The following EML1 variants were observed in gnomAD, a reference collection of about 807,000 sequenced individuals.
EML1 encodes echinoderm microtubule-associated protein-like 1.
In EML1, 27 loss-of-function variants were observed where a neutral mutation model predicts 110.4. That is an observed-to-expected ratio of 0.24 (90% CI 0.18 to 0.34). The LOEUF is 0.34. Ranked by LOEUF, EML1 falls within the 10% of genes least tolerant of loss-of-function variation. EML1 has a pLI of 1.00. For synonymous variants in EML1, 344 were observed against 385.8 expected, an observed-to-expected ratio of 0.89 and a Z score of 1.27; for missense variants, 741 against 1,030.9, an observed-to-expected ratio of 0.72 and a Z score of 3.85.
intron 1 of EML1, among the ~76,000 whole-genome samples, chr14:99,818,606 A>G (rs11622725): frequency 1 from 152,287 of 152,290 alleles, 76,142 homozygotes; most frequent in Non-Finnish European, 1. Flanking sequence ...CGTGTGCATC[A>G]CTCTATCTTC....
chr14:99,832,293 T>C (rs1004931567), intron 1 of EML1, among the ~76,000 whole-genome samples: 2 of 152,206 alleles, frequency 1.3e-5, no homozygotes, highest in African/African-American at 4.8e-5. Context: ...TTTGGGCTGT[T>C]TCCCAAATGT....
intron 8 of EML1, among the ~76,000 whole-genome samples, chr14:99,898,807 T>G (rs2059713190): frequency 6.6e-6 from 1 of 152,100 alleles, no homozygotes; most frequent in African/African-American, 2.4e-5. Flanking sequence ...GAGCTCATCT[T>G]AATTTCATCA....
At chr14:99,882,717 A>G (rs1489597759) in intron 4 of EML1, among the ~76,000 whole-genome samples, 1 of 150,906 alleles carries the variant, frequency 6.6e-6, no homozygotes, top group Non-Finnish European at 1.5e-5. Flanking sequence ...AAGTTTACAA[A>G]TTTGTGTTGG....
At chr14:99,808,271 C>T (rs985429318) in intron 1 of EML1, among the ~76,000 whole-genome samples, 1 of 152,128 alleles carries the variant, frequency 6.6e-6, no homozygotes, top group Non-Finnish European at 1.5e-5. Flanking sequence ...CACAGTGCCT[C>T]GCAGGGAGTT....
At position 99,939,325 on chromosome 14, in the gene EML1, A is replaced by G. The variant is rs2060535273; in HGVS notation, c.2320A>G (p.Arg774Gly). The G allele has an allele frequency of 6.2e-7, 1 of 1,614,206 alleles. No homozygotes were observed. Among genetic ancestry groups the G allele is most frequent in the Non-Finnish European group, 8.5e-7 (1 of 1,180,024 alleles). Residue 774 changes from arginine (R) to glycine (G), a missense_variant and splice_region_variant, in exon 21 of 22, where the codon AGG becomes GGG. Around this residue, in one of 4 missense-constraint regions of EML1, gnomAD observed 114 missense variants for 122.5 expected, o/e 0.93. Transcript: ENST00000262233. The surrounding 1 kb of genome is among the most constrained non-coding windows in gnomAD (Gnocchi z 4.2). ...CTTCTCATACCCCTGCTCGCAGTTC[A>G]GGGTAAAGGACTTGTTTCTTCACTA... ...HLFSYPCSQF[R>G]APSHIYGGHS...
At chr14:99,772,075 T>A (rs916206848), upstream of EML1, among the ~76,000 whole-genome samples, 1 of 152,150 alleles carries the variant, frequency 6.6e-6, no homozygotes, top group African/African-American at 2.4e-5. Flanking sequence ...TCTTTGTGAG[T>A]GGAGTGATTT....
chr14:99,871,042 C>T (rs566958386), intron 3 of EML1, among the ~76,000 whole-genome samples: 62 of 152,200 alleles, frequency 4.1e-4, no homozygotes, highest in Middle Eastern at 3.4e-3. Flanking sequence ...CTGCAACCTC[C>T]GCCTCCCGGG....
intron 17 of EML1, among the ~76,000 whole-genome samples, chr14:99,925,650 G>A (rs2060220774): frequency 6.6e-6 from 1 of 152,218 alleles, no homozygotes; most frequent in Non-Finnish European, 1.5e-5. Context: ...GGCTCTGTGG[G>A]CAGGTTGAAG....
chr14:99,912,944 C>T (rs78986481), intron 13 of EML1, among the ~76,000 whole-genome samples: 3,188 of 152,274 alleles, frequency 0.021, 106 homozygotes, highest in African/African-American at 0.071. Flanking sequence ...TTTCCTGGAA[C>T]GGGAGAGCCT....
intron 4 of EML1, among the ~76,000 whole-genome samples, chr14:99,890,682 G>A (rs2059571154): frequency 6.6e-6 from 1 of 152,186 alleles, no homozygotes; most frequent in Non-Finnish European, 1.5e-5. Context: ...AGATGGCTGA[G>A]CTGGAGGGTA....
chr14:99,807,020 G>T (rs894465834), intron 1 of EML1, among the ~76,000 whole-genome samples: 11 of 150,854 alleles, frequency 7.3e-5, no homozygotes, highest in African/African-American at 1.2e-4. Context: ...CTGAGTTTTT[G>T]TTTTTTTTTA....
Position 99,860,975 on chromosome 14 carries a change from G to A in EML1, c.251-4539G>A, listed in dbSNP as rs556135152. ...CATTGCATCTGATTTTCTTTTCATG[G>A]GCTTTTAAAATCCTATTTTCTATTT... is the stretch of plus-strand genomic sequence containing the variant. On this transcript the variant is annotated intron_variant, in intron 2 of 21. Coordinates refer to ENST00000262233, the MANE Select transcript of EML1 (RefSeq NM_004434.3). Among the ~76,000 whole-genome samples the A allele has an allele frequency of 1.4e-4, 22 of 152,026 alleles. 1 individual carries two copies. The South Asian group carries it at 4.6e-3, about 32-fold the overall frequency.
intron 17 of EML1, among the ~76,000 whole-genome samples, chr14:99,928,305 CTGTTA>C (rs915395186): frequency 2.7e-5 from 4 of 149,062 alleles, no homozygotes; most frequent in African/African-American, 7.4e-5. Context: ...GTGTTCCTGT[CTGTTA>C]TATTAGGTGG....
chr14:99,778,360 C>G (rs1359495673), intron 1 of EML1, among the ~76,000 whole-genome samples: 1 of 152,026 alleles, frequency 6.6e-6, no homozygotes, highest in African/African-American at 2.4e-5. Flanking sequence ...AAATTACTGT[C>G]TTCTATTTTC....
chr14:99,921,953 C>CA (rs767952352), intron 17 of EML1, among the ~76,000 whole-genome samples: 32 of 152,218 alleles, frequency 2.1e-4, no homozygotes, highest in African/African-American at 7.7e-4. Flanking sequence ...TTTCTGTTTC[C>CA]AAAAATTGCT....
chr14:99,868,910 G>A (rs879763220), intron 3 of EML1, among the ~76,000 whole-genome samples: 2 of 152,042 alleles, frequency 1.3e-5, no homozygotes. Flanking sequence ...GCTGATGTGA[G>A]ATCTGTCTTC....
Position 99,784,470 on chromosome 14 carries a change from A to C in EML1, c.-27+10457A>C, listed in dbSNP as rs575455783. ...CACTTCAGATACTTCAAAATATGTA[A>C]ATTCTTTTGATGGAGTCCAATCATT... On this transcript the variant is annotated intron_variant, in intron 1 of 22. Coordinates refer to the EML1 transcript ENST00000327921. This position sits in a 1 kb window ranked among gnomAD's most constrained non-coding sequence, Gnocchi z 4.5. Among the ~76,000 whole-genome samples the C allele has an allele frequency of 3.9e-5, 6 of 152,312 alleles. No individual in the cohort carries two copies. The highest frequency in any genetic ancestry group is 1.2e-4 in the African/African-American group (5 of 41,564).
In EML1 at chr14:99,885,985, G is replaced by A. The variant is rs1464961755; in HGVS notation, c.519-5214G>A. The A allele has an allele frequency of 3.5e-5, 15 of 429,872 alleles. No homozygotes were observed. In the Admixed American group the frequency reaches 4.0e-4, roughly 11 times the overall value. 26.6% of individuals were successfully genotyped at this position (429,872 alleles called of 1,614,324 possible). A position where few individuals can be genotyped will look rare whatever the true frequency, so the allele number is the denominator to read the frequency against. On this transcript the variant is annotated intron_variant, in intron 4 of 21. Transcript: ENST00000262233. ...CACCATGTTAAGCTGGGAAGTATTGGTTGGAAATGTCTATGAAGCAGTCGC... is the reference window on the plus strand; with the variant it reads ...CACCATGTTAAGCTGGGAAGTATTGATTGGAAATGTCTATGAAGCAGTCGC...
Position 99,802,151 on chromosome 14 carries a change from G to T in EML1, c.67+8608G>T, listed in dbSNP as rs367778800. On this transcript the variant is annotated intron_variant, in intron 1 of 21. Coordinates refer to ENST00000262233, the MANE Select transcript of EML1 (RefSeq NM_004434.3). ...TAGGTGGGAGTGGGGAGAGCCATTC[G>T]GGCCAGGGAAGCGTCTAAGAAGCCC... is the stretch of plus-strand genomic sequence containing the variant. 4.4e-4 allele frequency among the ~76,000 whole-genome samples: 67 copies of T among 151,796 alleles called. No individual in the cohort carries two copies. The South Asian group carries it at 8.1e-3, about 18-fold the overall frequency.
Sources: gnomAD v4.1 joint callset for allele counts (sites outside exome capture counted in the v4.1 genomes callset) on GRCh38, gnomAD v4.1.1 for gene constraint, gnomAD v4.1.1 regional missense constraint, Gnocchi (gnomAD v3.1) non-coding constraint, MANE v1.5 for transcripts, NCBI Gene and HGNC (gene_info 2026-07-23, HGNC 2026-07-21) for gene names.